The following ARL3 variants were observed in gnomAD, a reference collection of about 807,000 sequenced individuals.
The protein encoded by ARL3 is ADP-ribosylation factor-like protein 3.
ARL3 carries 9 observed loss-of-function variants against 26.0 expected under a neutral mutation model. The observed-to-expected ratio is 0.35, with a 90% CI of 0.21 to 0.60. The LOEUF (loss-of-function observed/expected upper bound fraction) is 0.60. Ranked by LOEUF, ARL3 falls within the 20% of genes least tolerant of loss-of-function variation. ARL3 has a pLI of 0.78. For missense variants in ARL3, 158 were observed against 215.7 expected, an observed-to-expected ratio of 0.73 and a Z score of 1.67; for synonymous variants, 71 against 78.4, an observed-to-expected ratio of 0.91 and a Z score of 0.50.
At chr10:102,692,847 C>A (rs2064226419) in intron 3 of ARL3, among the ~76,000 whole-genome samples, 1 of 152,162 alleles carries the variant, frequency 6.6e-6, no homozygotes, top group Non-Finnish European at 1.5e-5. Context: ...TAGGCTGGGA[C>A]TACAGGCGCC....
chr10:102,708,070 C>T (rs1244705468), intron 1 of ARL3, among the ~76,000 whole-genome samples: 2 of 151,960 alleles, frequency 1.3e-5, no homozygotes, highest in African/African-American at 2.4e-5. Context: ...CACACCACCA[C>T]GCCCCACTAA....
At chr10:102,704,598 C>T (rs1469277325) in intron 2 of ARL3, among the ~76,000 whole-genome samples, 1 of 152,114 alleles carries the variant, frequency 6.6e-6, no homozygotes, top group East Asian at 1.9e-4. Context: ...CAAGATTGCA[C>T]TACCACACTT....
chr10:102,681,149 A>G (rs2064154253), intron 5 of ARL3, among the ~76,000 whole-genome samples: 1 of 152,102 alleles, frequency 6.6e-6, no homozygotes. Flanking sequence ...GCACTTTGGG[A>G]GGCTGAGGCA....
intron 5 of ARL3, among the ~76,000 whole-genome samples, chr10:102,682,219 C>T (rs1350765693): frequency 2.0e-5 from 3 of 152,208 alleles, no homozygotes; most frequent in Non-Finnish European, 4.4e-5. Context: ...CTCCTCATCA[C>T]TCCCCTGGAC....
chr10:102,686,368 G>A (rs750580765), intron 4 of ARL3, among the ~76,000 whole-genome samples: 36 of 128,848 alleles, frequency 2.8e-4, no homozygotes, highest in Non-Finnish European at 2.9e-4. Flanking sequence ...TACCATGCCC[G>A]GACAACCATG....
intron 3 of ARL3, among the ~76,000 whole-genome samples, chr10:102,698,940 G>A (rs892404966): frequency 4.6e-5 from 7 of 152,134 alleles, no homozygotes; most frequent in African/African-American, 1.7e-4. Context: ...AGTTCCCAGT[G>A]TTCTCTTTTC....
chr10:102,710,448 T>C (rs2064332379), intron 1 of ARL3, among the ~76,000 whole-genome samples: 1 of 152,234 alleles, frequency 6.6e-6, no homozygotes, highest in Non-Finnish European at 1.5e-5. Flanking sequence ...TATGCCCATA[T>C]TTTATTTTAA....
At chr10:102,704,083 G>A (rs12776238) in intron 2 of ARL3, among the ~76,000 whole-genome samples, 47,085 of 141,242 alleles carry the variant, frequency 0.33, 7,979 homozygotes, top group African/African-American at 0.39. Flanking sequence ...CCCAGGAGGC[G>A]CAGGTTGCAG....
At chr10:102,709,796 G>A (rs2064328956) in intron 1 of ARL3, among the ~76,000 whole-genome samples, 1 of 152,240 alleles carries the variant, frequency 6.6e-6, no homozygotes, top group Middle Eastern at 3.4e-3. Context: ...ACTTCGGGAG[G>A]CTGAGGCTGG....
chr10:102,701,169 G>A (rs573811213), intron 2 of ARL3, among the ~76,000 whole-genome samples: 1 of 152,168 alleles, frequency 6.6e-6, no homozygotes, highest in Non-Finnish European at 1.5e-5. Flanking sequence ...GGGGTTCCCA[G>A]AGAATGTATT....
Position 102,676,816 on chromosome 10 carries a change from G to T in ARL3, c.*78C>A. 2.8e-6 allele frequency: 4 copies of T among 1,449,184 alleles called. No homozygotes were observed. Among genetic ancestry groups the T allele is most frequent in the South Asian group, 1.1e-5 (1 of 87,152 alleles). 89.8% of individuals were successfully genotyped at this position (1,449,184 alleles called of 1,614,324 possible). A position where few individuals can be genotyped will look rare whatever the true frequency, so the allele number is the denominator to read the frequency against. On this transcript the variant is annotated 3_prime_UTR_variant, in exon 6 of 6. Coordinates refer to ENST00000260746, the MANE Select transcript of ARL3 (RefSeq NM_004311.4). ...GCTGTACACAGATGGAAAAACATTT[G>T]GTCAGAAAGCAGCAAATTAGTGTTT...
intron 2 of ARL3, among the ~76,000 whole-genome samples, chr10:102,704,954 C>T (rs552455826): frequency 7.2e-4 from 110 of 152,150 alleles, no homozygotes; most frequent in Non-Finnish European, 1.4e-3. Context: ...CACATTTTAA[C>T]GTTATAACAT....
intron 1 of ARL3, among the ~76,000 whole-genome samples, chr10:102,707,878 G>T (rs571067639): frequency 6.6e-6 from 1 of 152,138 alleles, no homozygotes; most frequent in Non-Finnish European, 1.5e-5. Flanking sequence ...GAAACAAACA[G>T]AAGTCTGGCT....
At chr10:102,704,151 CAAAAA>C (rs56326932) in intron 2 of ARL3, among the ~76,000 whole-genome samples, 1 of 46,094 alleles carries the variant, frequency 2.2e-5, no homozygotes, top group Non-Finnish European at 3.7e-5. Flanking sequence ...ACTCTGTCTC[CAAAAA>C]AAAAAAAAAA....
At chr10:102,709,060 G>A (rs1341787697) in intron 1 of ARL3, among the ~76,000 whole-genome samples, 4 of 150,766 alleles carry the variant, frequency 2.7e-5, no homozygotes, top group Non-Finnish European at 5.9e-5. Context: ...GTGTACAACC[G>A]CACCCAGCTA....
intron 2 of ARL3, among the ~76,000 whole-genome samples, chr10:102,704,939 G>A (rs933387353): frequency 6.6e-6 from 1 of 151,864 alleles, no homozygotes; most frequent in African/African-American, 2.4e-5. Context: ...AAGTGTGTCT[G>A]CGTACACATT....
intron 1 of ARL3, among the ~76,000 whole-genome samples, chr10:102,707,268 A>G (rs1197063187): frequency 6.6e-6 from 1 of 152,122 alleles, no homozygotes; most frequent in East Asian, 1.9e-4. Context: ...ACTGCACTCC[A>G]GCCTGGGTGA....
intron 4 of ARL3, among the ~76,000 whole-genome samples, chr10:102,686,777 T>C (rs1050881373): frequency 1.3e-5 from 2 of 151,346 alleles, no homozygotes; most frequent in Non-Finnish European, 2.9e-5. Flanking sequence ...TTATCAAACT[T>C]GAACCTGTAT....
At chr10:102,710,223 T>A (rs1167679575) in intron 1 of ARL3, among the ~76,000 whole-genome samples, 1 of 152,204 alleles carries the variant, frequency 6.6e-6, no homozygotes, top group Non-Finnish European at 1.5e-5. Flanking sequence ...ATAAATGGCA[T>A]TTCAAGCATG....
Sources: allele counts gnomAD v4.1 joint callset (sites outside exome capture counted in the v4.1 genomes callset), GRCh38; gene constraint gnomAD v4.1.1; transcripts MANE v1.5; gene names NCBI Gene and HGNC (gene_info 2026-07-23, HGNC 2026-07-21).